The following SPAG16 variants were observed in gnomAD, a reference collection of about 807,000 sequenced individuals.
The protein encoded by SPAG16 is sperm associated antigen 16, also known as sperm-associated antigen 16 protein.
In SPAG16, 86 loss-of-function variants were observed where a neutral mutation model predicts 80.4. That is an observed-to-expected ratio of 1.07 (90% CI 0.90 to 1.28). The LOEUF is 1.28. SPAG16 is among the 50% of genes most tolerant of loss of function. The pLI, the probability that SPAG16 is intolerant of heterozygous loss-of-function variation, is 0.00. For synonymous variants in SPAG16, 294 were observed against 265.9 expected, an observed-to-expected ratio of 1.11 and a Z score of -1.03; for missense variants, 870 against 765.3, an observed-to-expected ratio of 1.14 and a Z score of -1.61.
chr2:213,741,698 A>T (rs2067562181), intron 10 of SPAG16, among the ~76,000 whole-genome samples: 1 of 152,196 alleles, frequency 6.6e-6, no homozygotes, highest in African/African-American at 2.4e-5. Context: ...TTTTACAATG[A>T]CTAAACATTA....
chr2:214,181,381 T>C (rs371497189), intron 15 of SPAG16, among the ~76,000 whole-genome samples: 26 of 151,774 alleles, frequency 1.7e-4, no homozygotes, highest in African/African-American at 2.4e-5. Flanking sequence ...TAACTTGACA[T>C]GACAGAAAGT....
chr2:213,813,374 A>G (rs942936988), intron 10 of SPAG16, among the ~76,000 whole-genome samples: 1 of 152,200 alleles, frequency 6.6e-6, no homozygotes, highest in Non-Finnish European at 1.5e-5. Flanking sequence ...GACATAAGGC[A>G]CAAAAGCACC....
At chr2:214,036,135 G>A (rs751646207) in intron 13 of SPAG16, among the ~76,000 whole-genome samples, 3 of 152,052 alleles carry the variant, frequency 2.0e-5, no homozygotes, top group Non-Finnish European at 4.4e-5. Flanking sequence ...TATATCAGTG[G>A]ATTAATGTAT....
At chr2:213,935,572 T>C (rs1413715835) in intron 12 of SPAG16, among the ~76,000 whole-genome samples, 2 of 152,180 alleles carry the variant, frequency 1.3e-5, no homozygotes, top group Non-Finnish European at 2.9e-5. Context: ...GTAATGCTTG[T>C]AAGACTAGTT....
At chr2:214,323,878 A>G (rs1047175315) in intron 15 of SPAG16, among the ~76,000 whole-genome samples, 17 of 152,250 alleles carry the variant, frequency 1.1e-4, no homozygotes, top group African/African-American at 3.6e-4. Flanking sequence ...AAGAAAGGTA[A>G]GAAACATTAT....
intron 15 of SPAG16, among the ~76,000 whole-genome samples, chr2:214,286,832 A>T (rs1475167523): frequency 1.3e-5 from 2 of 152,186 alleles, no homozygotes; most frequent in African/African-American, 4.8e-5. Flanking sequence ...ATCACTAAAA[A>T]TGATTGACCT....
intron 12 of SPAG16, among the ~76,000 whole-genome samples, chr2:214,002,971 C>T (rs1421102365): frequency 1.3e-5 from 2 of 152,114 alleles, no homozygotes; most frequent in Non-Finnish European, 2.9e-5. Flanking sequence ...GAATATTAGG[C>T]ATCCAATAGT....
intron 10 of SPAG16, among the ~76,000 whole-genome samples, chr2:213,497,459 T>A (rs1575752538): frequency 6.6e-6 from 1 of 151,980 alleles, no homozygotes; most frequent in Admixed American, 6.6e-5. Flanking sequence ...TTTTTTTTTT[T>A]TTATGGTCAA....
intron 15 of SPAG16, among the ~76,000 whole-genome samples, chr2:214,359,836 G>GA (rs1237500938): frequency 2.6e-5 from 4 of 151,836 alleles, no homozygotes; most frequent in African/African-American, 9.7e-5. Context: ...TTTAAATGAA[G>GA]AAGGTTTGGT....
chr2:214,260,923 A>G (rs1691104105), intron 15 of SPAG16, among the ~76,000 whole-genome samples: 1 of 151,842 alleles, frequency 6.6e-6, no homozygotes, highest in South Asian at 2.1e-4. Flanking sequence ...CCTGGCCAAC[A>G]TGGCGAAACC....
intron 13 of SPAG16, among the ~76,000 whole-genome samples, chr2:214,020,766 T>G (rs1315994456): frequency 6.6e-6 from 1 of 152,216 alleles, no homozygotes; most frequent in Non-Finnish European, 1.5e-5. Flanking sequence ...CCTCTTGTTC[T>G]GAGGTCAATC....
At chr2:214,037,196 A>G (rs1487073053) in intron 13 of SPAG16, among the ~76,000 whole-genome samples, 2 of 150,956 alleles carry the variant, frequency 1.3e-5, no homozygotes, top group Admixed American at 1.3e-4. Context: ...ATATAAATAG[A>G]GATAGATAGT....
intron 10 of SPAG16, among the ~76,000 whole-genome samples, chr2:213,705,374 G>C (rs1003823544): frequency 6.6e-6 from 1 of 152,278 alleles, no homozygotes; most frequent in East Asian, 1.9e-4. Context: ...ACTTCATCTG[G>C]ATGGGCTTCA....
chr2:214,249,982 G>A (rs1690131917), intron 15 of SPAG16: 1 of 152,136 alleles, frequency 6.6e-6, no homozygotes, highest in Non-Finnish European at 1.5e-5. Context: ...TTCCAATGAT[G>A]ACTCAACAAT....
chr2:214,045,502 A>G lies in SPAG16; in HGVS notation c.1527+31425A>G, dbSNP rs2049267652. On this transcript the variant is annotated intron_variant, in intron 13 of 15. Transcript: ENST00000331683. Reference sequence around the variant, plus strand: ...CTATGGGGAGAGACTCTTGCTTGAGAAAGCAGAGGGAAACGTAAAGGGGAC... The same window carrying G: ...CTATGGGGAGAGACTCTTGCTTGAGGAAGCAGAGGGAAACGTAAAGGGGAC... 5.9e-5 allele frequency among the ~76,000 whole-genome samples: 9 copies of G among 152,194 alleles called. No homozygotes were observed. In the South Asian group the frequency reaches 1.9e-3, roughly 31 times the overall value.
At chr2:213,503,451 G>A (rs1033504709) in intron 10 of SPAG16, among the ~76,000 whole-genome samples, 1 of 152,222 alleles carries the variant, frequency 6.6e-6, no homozygotes. Flanking sequence ...ATGAAGTGAA[G>A]CAACAGCCCC....
intron 11 of SPAG16, among the ~76,000 whole-genome samples, chr2:213,884,461 G>A (rs1010797784): frequency 2.0e-5 from 3 of 152,136 alleles, no homozygotes; most frequent in Admixed American, 6.6e-5. Flanking sequence ...TGATGAACCT[G>A]ATGGCTATAT....
intron 14 of SPAG16, among the ~76,000 whole-genome samples, chr2:214,115,889 A>AG (rs950956397): frequency 4.0e-5 from 6 of 151,734 alleles, no homozygotes; most frequent in African/African-American, 1.4e-4. Flanking sequence ...AAAAAAAAAA[A>AG]AAAAAAAAGT....
Position 214,123,700 on chromosome 2 carries a change from T to C in SPAG16, c.1593+15439T>C, listed in dbSNP as rs914957868. Among the ~76,000 whole-genome samples the C allele has an allele frequency of 4.0e-5, 6 of 151,840 alleles. No homozygotes were observed. The South Asian group carries it at 1.3e-3, about 32-fold the overall frequency. On this transcript the variant is annotated intron_variant, in intron 14 of 15. Coordinates refer to ENST00000331683, the MANE Select transcript of SPAG16 (RefSeq NM_024532.5). ...GTAGAAAACAGCAATAAGGTGAGAGTTGGGGCTTAAAATGCAATGATCAGA... is the reference window on the plus strand; with the variant it reads ...GTAGAAAACAGCAATAAGGTGAGAGCTGGGGCTTAAAATGCAATGATCAGA...
Sources: gnomAD v4.1 joint callset for allele counts (sites outside exome capture counted in the v4.1 genomes callset) on GRCh38, gnomAD v4.1.1 for gene constraint, MANE v1.5 for transcripts, NCBI Gene and HGNC (gene_info 2026-07-23, HGNC 2026-07-21) for gene names.